Variants in MCPH1 observed in about 807,000 individuals in gnomAD.
The protein encoded by MCPH1 is microcephalin 1, also known as microcephalin.
Under a neutral mutation model 84.5 loss-of-function variants are expected in MCPH1, and 104 were observed. The observed-to-expected ratio is 1.23, with a 90% CI of 1.05 to 1.45. The LOEUF is 1.45. MCPH1 is among the 40% of genes most tolerant of loss of function. The pLI is 0.00. For missense variants in MCPH1, 1,498 were observed against 1,005.7 expected (o/e 1.49, Z -6.62); for synonymous variants, 514 against 366.8 (o/e 1.40, Z -4.58).
At position 6,505,179 on chromosome 8, in the gene MCPH1, T is replaced by TATATATATATATTCTTATGTATATATAGA. The variant is rs1563304826; in HGVS notation, c.2214+5263_2214+5291dup. Among the ~76,000 whole-genome samples, 572 of 122,488 alleles carry TATATATATATATTCTTATGTATATATAGA rather than the reference T, an allele frequency of 4.7e-3. 26 individuals are homozygous for TATATATATATATTCTTATGTATATATAGA. In the East Asian group the frequency reaches 0.048, roughly 10 times the overall value. 80.4% of individuals were successfully genotyped at this position (122,488 alleles called of 152,430 possible). On this transcript the variant is annotated intron_variant, in intron 12 of 13. Coordinates refer to ENST00000344683, the MANE Select transcript of MCPH1 (RefSeq NM_024596.5). ...AATAAAAACTCTATGCCAAAGAATA[T>TATATATATATATTCTTATGTATATATAGA]ATATATATATATTCTTATGTATATA...
At chr8:6,411,290 T>G (rs558364848) in intron 2 of MCPH1, among the ~76,000 whole-genome samples, 1 of 152,128 alleles carries the variant, frequency 6.6e-6, no homozygotes, top group Non-Finnish European at 1.5e-5. Context: ...CACCAGAAGT[T>G]TTTATCTTAT....
At chr8:6,474,009 CTT>C in intron 9 of MCPH1, 1 of 877,202 alleles carries the variant, frequency 1.1e-6, no homozygotes. Flanking sequence ...TGAATATTGT[CTT>C]TTAGTTTCTT....
intron 13 of MCPH1, among the ~76,000 whole-genome samples, chr8:6,624,108 GGTT>G (rs982123461): frequency 1.3e-5 from 2 of 152,210 alleles, no homozygotes; most frequent in East Asian, 1.9e-4. Context: ...CACTTCCTCC[GGTT>G]GTTTTGCCGC....
At chr8:6,640,676 T>A (rs1425114583) in intron 13 of MCPH1, among the ~76,000 whole-genome samples, 3 of 152,224 alleles carry the variant, frequency 2.0e-5, no homozygotes, top group Non-Finnish European at 4.4e-5. Context: ...AATTTTTAAC[T>A]ATTATTTTTT....
chr8:6,419,151 A>ACACG (rs1491495128), intron 3 of MCPH1, among the ~76,000 whole-genome samples: 1 of 85,714 alleles, frequency 1.2e-5, no homozygotes, highest in African/African-American at 4.2e-5. Flanking sequence ...ACACACACAC[A>ACACG]GACACACACA....
chr8:6,482,925 A>G (rs1031492033), intron 11 of MCPH1, among the ~76,000 whole-genome samples: 1 of 152,240 alleles, frequency 6.6e-6, no homozygotes, highest in African/African-American at 2.4e-5. Flanking sequence ...GTACAAGGCA[A>G]TCAGACAAGA....
At chr8:6,549,240 C>T (rs796636577) in intron 12 of MCPH1, among the ~76,000 whole-genome samples, 1 of 152,148 alleles carries the variant, frequency 6.6e-6, no homozygotes, top group Non-Finnish European at 1.5e-5. Context: ...ACCATGGGTA[C>T]GTAAATTGTG....
At chr8:6,532,461 C>T in intron 12 of MCPH1, 2 of 1,613,476 alleles carry the variant, frequency 1.2e-6, no homozygotes, top group Admixed American at 1.7e-5. Flanking sequence ...TTTCTTTCTT[C>T]ATGTTGTCCT....
Position 6,643,413 on chromosome 8 carries a change from T to C in MCPH1, c.*364T>C, listed in dbSNP as rs879248745. 3 of 288,508 alleles carry C rather than the reference T, an allele frequency of 1.0e-5. No homozygotes were observed. In the Admixed American group the frequency reaches 1.5e-4, roughly 14 times the overall value. 17.9% of individuals were successfully genotyped at this position (288,508 alleles called of 1,614,324 possible). On this transcript the variant is annotated 3_prime_UTR_variant, in exon 14 of 14. Transcript: ENST00000344683. ...CTGAGTAGCTGGGATTACAGATGTG[T>C]GCCACCATGCCTGGCTAATTTTTGT... is the stretch of plus-strand genomic sequence containing the variant.
chr8:6,486,808 C>A (rs1350242287), intron 11 of MCPH1, among the ~76,000 whole-genome samples: 23 of 152,124 alleles, frequency 1.5e-4, no homozygotes, highest in Admixed American at 1.5e-3. Context: ...TTAATTTGAC[C>A]AAAGTGTCCC....
intron 12 of MCPH1, among the ~76,000 whole-genome samples, chr8:6,610,856 C>T (rs79491839): frequency 6.6e-6 from 1 of 151,952 alleles, no homozygotes; most frequent in Non-Finnish European, 1.5e-5. Context: ...AAAAACCTTT[C>T]TTGTTCTTTC....
intron 8 of MCPH1, among the ~76,000 whole-genome samples, chr8:6,451,256 G>A (rs958239781): frequency 2.6e-4 from 40 of 152,158 alleles, no homozygotes; most frequent in African/African-American, 9.4e-4. Flanking sequence ...GAAGGCTATT[G>A]ACCACTTAAC....
chr8:6,520,068 T>C, intron 12 of MCPH1: 1 of 1,537,206 alleles, frequency 6.5e-7, no homozygotes, highest in Non-Finnish European at 8.9e-7. Flanking sequence ...GAGCCAATCA[T>C]TTGGTGAGTT....
intron 12 of MCPH1, among the ~76,000 whole-genome samples, chr8:6,594,669 G>C (rs1476094217): frequency 1.3e-5 from 2 of 150,328 alleles, no homozygotes; most frequent in South Asian, 2.1e-4. Flanking sequence ...GAAGACTTCA[G>C]TGTTCTCCTG....
At chr8:6,576,500 C>CCTTCCCCTTCCA (rs1827112270) in intron 12 of MCPH1, among the ~76,000 whole-genome samples, 1 of 148,590 alleles carries the variant, frequency 6.7e-6, no homozygotes, top group Admixed American at 6.7e-5. Flanking sequence ...TTTCCCTTTC[C>CCTTCCCCTTCCA]CTTCCCCTTC....
At chr8:6,545,430 G>T (rs192398987) in intron 12 of MCPH1, among the ~76,000 whole-genome samples, 220 of 152,284 alleles carry the variant, frequency 1.4e-3, no homozygotes, top group Admixed American at 3.7e-3. Flanking sequence ...TATGACCCTA[G>T]TTACTATGGG....
intron 12 of MCPH1, among the ~76,000 whole-genome samples, chr8:6,576,062 A>G (rs1332222882): frequency 6.6e-6 from 1 of 151,990 alleles, no homozygotes; most frequent in Non-Finnish European, 1.5e-5. Flanking sequence ...AAAAAAAAAA[A>G]AAAAAAGTAA....
intron 12 of MCPH1, among the ~76,000 whole-genome samples, chr8:6,608,177 C>T (rs945237526): frequency 5.9e-5 from 9 of 152,110 alleles, no homozygotes; most frequent in Admixed American, 1.3e-4. Context: ...AGAGGTCGCA[C>T]GGCCTGCCCG....
At chr8:6,480,162 C>G (rs903605630) in intron 10 of MCPH1, among the ~76,000 whole-genome samples, 1 of 148,160 alleles carries the variant, frequency 6.7e-6, no homozygotes, top group African/African-American at 2.5e-5. Context: ...CTCTCCCTGT[C>G]GCCCAGGCTG....
Sources: gnomAD v4.1 joint callset for allele counts (sites outside exome capture counted in the v4.1 genomes callset) on GRCh38, gnomAD v4.1.1 for gene constraint, MANE v1.5 for transcripts, NCBI Gene and HGNC (gene_info 2026-07-23, HGNC 2026-07-21) for gene names.